DOP1B: variants seen among roughly 807,000 people sequenced by gnomAD.
The protein encoded by DOP1B is DOP1 leucine zipper like protein B.
A neutral mutation model predicts 233.5 loss-of-function variants in DOP1B; 174 were observed. That is an observed-to-expected ratio of 0.75 (90% CI 0.66 to 0.85). DOP1B has a LOEUF of 0.85. Ranked by LOEUF, DOP1B falls within the 40% of genes least tolerant of loss-of-function variation. The probability of loss-of-function intolerance (pLI) is 0.00; values close to 1 mark genes in which losing one functional copy is unlikely to be tolerated. For missense variants in DOP1B, 2,652 were observed against 2,846.6 expected (o/e 0.93, Z 1.56); for synonymous variants, 1,190 against 1,185.6 (o/e 1.00, Z -0.08).
chr21:36,213,265 G>A (rs920922100), intron 7 of DOP1B, among the ~76,000 whole-genome samples: 1 of 152,160 alleles, frequency 6.6e-6, no homozygotes, highest in African/African-American at 2.4e-5. Context: ...GCACAGCTCT[G>A]CTCCTACGGG....
At position 36,247,579 on chromosome 21, in the gene DOP1B, C is replaced by T. The variant is rs139137838; in HGVS notation, c.4760C>T (p.Thr1587Met). The change falls in exon 20 of 37, where the codon ACG becomes ATG. Residue 1587 changes from threonine (T) to methionine (M), a missense_variant. Thr to Met is a moderately conservative substitution (Grantham distance 81). Coordinates refer to ENST00000691173, the MANE Select transcript of DOP1B (RefSeq NM_001320714.2). ...DYPLTLLEGL[T>M]TISHFCLLEQ... The stretch of plus-strand genomic sequence containing the variant: ...CCACTCACCCTTCTAGAAGGTCTAA[C>T]GACCATTAGTCATTTTTGTCTTTTG... 4.8e-5 allele frequency: 77 copies of T among 1,610,862 alleles called. No individual in the cohort carries two copies. The highest frequency in any genetic ancestry group is 3.3e-4 in the Middle Eastern group (2 of 6,054).
At chr21:36,230,329 T>C (rs1408875800) in intron 13 of DOP1B, 121 bp from the exon 14 acceptor site, 1 of 1,209,258 alleles carries the variant, frequency 8.3e-7, no homozygotes, top group African/African-American at 1.5e-5. Flanking sequence ...ACACAGGGAT[T>C]CTCTAGTCTG....
At chr21:36,291,485 G>A (rs1348223220) in intron 35 of DOP1B, among the ~76,000 whole-genome samples, 2 of 152,070 alleles carry the variant, frequency 1.3e-5, no homozygotes, top group Non-Finnish European at 2.9e-5. Flanking sequence ...GCTTGAACCT[G>A]GGAGGTGGAG....
chr21:36,225,696 G>A (rs375177464), intron 12 of DOP1B, 29 bp downstream of exon 12: 27 of 1,607,440 alleles, frequency 1.7e-5, no homozygotes, highest in Non-Finnish European at 2.1e-5. Flanking sequence ...ACATCTCAAC[G>A]CCTGCTATTA....
At chr21:36,173,715 G>T (rs1447797740) in intron 2 of DOP1B, among the ~76,000 whole-genome samples, 1 of 152,054 alleles carries the variant, frequency 6.6e-6, no homozygotes, top group Non-Finnish European at 1.5e-5. Flanking sequence ...GAGCCGCCGC[G>T]CCCGGCCCAA....
At chr21:36,230,342 G>A (rs913042918) in intron 13 of DOP1B, 108 bp from the exon 14 acceptor site, 1 of 1,290,532 alleles carries the variant, frequency 7.7e-7, no homozygotes, top group Non-Finnish European at 1.1e-6. Context: ...CTAGTCTGGA[G>A]AGTGATGATT....
At chr21:36,250,937 C>G (rs970476288) in intron 21 of DOP1B, among the ~76,000 whole-genome samples, 10 of 152,328 alleles carry the variant, frequency 6.6e-5, no homozygotes, top group Middle Eastern at 3.4e-3. Flanking sequence ...TGCCCCTTCC[C>G]CCCGCCGGCA....
intron 32 of DOP1B, among the ~76,000 whole-genome samples, chr21:36,285,824 T>C (rs1416147022): frequency 6.6e-6 from 1 of 151,940 alleles, no homozygotes; most frequent in Non-Finnish European, 1.5e-5. Flanking sequence ...CTGGCCAACA[T>C]GGTGAAACCC....
At chr21:36,288,664 T>A in intron 33 of DOP1B, 92 bp from the exon 34 acceptor site, 1 of 967,794 alleles carries the variant, frequency 1.0e-6, no homozygotes, top group South Asian at 1.5e-5. Flanking sequence ...CATTCATTCA[T>A]AAATTAATCG....
chr21:36,253,632 T>A, intron 22 of DOP1B, 140 bp from the exon 23 acceptor site: 1 of 990,042 alleles, frequency 1.0e-6, no homozygotes, highest in South Asian at 1.7e-5. Flanking sequence ...AGTGAGACCG[T>A]GTTTCAAAAA....
intron 35 of DOP1B, among the ~76,000 whole-genome samples, chr21:36,290,487 AC>A (rs1259033808): frequency 1.3e-5 from 2 of 151,394 alleles, no homozygotes; most frequent in East Asian, 3.9e-4. Context: ...ATGGTGAAAA[AC>A]CCTGTCTCTA....
chr21:36,198,554 C>T (rs548129836), intron 2 of DOP1B, among the ~76,000 whole-genome samples: 1 of 152,322 alleles, frequency 6.6e-6, no homozygotes, highest in Admixed American at 6.5e-5. Flanking sequence ...CCTTGCTTCT[C>T]GGGTACAGCA....
chr21:36,233,025 A>G lies in DOP1B; in HGVS notation c.2572A>G (p.Ile858Val), dbSNP rs202127532. 57 of 1,614,008 alleles carry G rather than the reference A, an allele frequency of 3.5e-5. No homozygotes were observed. In the East Asian group the frequency reaches 1.2e-3, roughly 34 times the overall value. The change falls in exon 15 of 37, where the codon ATT becomes GTT. Residue 858 changes from isoleucine (I) to valine (V), a missense_variant. This residue lies in a region of DOP1B where 2,617 missense variants were observed against 2,794.3 expected (regional missense o/e 0.94). Transcript: ENST00000691173. Reference protein sequence around the residue: ...GKLQMVTVPPIAPGILKVIAE... With the variant: ...GKLQMVTVPPVAPGILKVIAE... ...GCTGCAGATGGTGACGGTTCCTCCC[A>G]TTGCTCCAGGGATATTGAAAGTCAT...
intron 2 of DOP1B, among the ~76,000 whole-genome samples, chr21:36,187,609 TTTTTA>T (rs1263012761): frequency 6.7e-6 from 1 of 150,260 alleles, no homozygotes; most frequent in African/African-American, 2.5e-5. Context: ...TTTATTTTAT[TTTTTA>T]TTTTATTTTT....
chr21:36,279,674 G>A (rs1010172312), intron 30 of DOP1B, among the ~76,000 whole-genome samples: 2 of 152,132 alleles, frequency 1.3e-5, no homozygotes, highest in African/African-American at 4.8e-5. Flanking sequence ...ACAACTGTGT[G>A]AATATCATCC....
chr21:36,176,380 A>C (rs555956111), intron 2 of DOP1B, among the ~76,000 whole-genome samples: 15 of 152,232 alleles, frequency 9.9e-5, no homozygotes, highest in Non-Finnish European at 1.9e-4. Flanking sequence ...GAACAAGGCT[A>C]CGAGCCCTGC....
At chr21:36,244,588 C>T (rs981500014) in intron 18 of DOP1B, among the ~76,000 whole-genome samples, 2 of 152,028 alleles carry the variant, frequency 1.3e-5, no homozygotes, top group Non-Finnish European at 2.9e-5. Context: ...CCACGCCCAG[C>T]TAACTTTTTG....
intron 2 of DOP1B, chr21:36,169,530 C>T (rs1199741246): frequency 9.8e-6 from 11 of 1,117,076 alleles, no homozygotes; most frequent in East Asian, 4.7e-5. Context: ...CCGATGATGT[C>T]GATCATCTCG....
chr21:36,169,667 G>A lies in DOP1B; in HGVS notation c.138+4796G>A, dbSNP rs1024359485. ...CAGCTGGGCCTTCTTCTGGCGCAGA[G>A]GAAGTAGGCGCGTCTGGGTGTGGGC... On this transcript the variant is annotated intron_variant, in intron 2 of 36. Coordinates refer to ENST00000691173, the MANE Select transcript of DOP1B (RefSeq NM_001320714.2). 4.4e-5 allele frequency: 39 copies of A among 894,908 alleles called. No individual in the cohort carries two copies. In the African/African-American group the frequency reaches 5.6e-4, roughly 13 times the overall value. 55.4% of individuals were successfully genotyped at this position (894,908 alleles called of 1,614,324 possible). A position where few individuals can be genotyped will look rare whatever the true frequency, so the allele number is the denominator to read the frequency against.
Sources: allele counts gnomAD v4.1 joint callset (sites outside exome capture counted in the v4.1 genomes callset), GRCh38; gene constraint gnomAD v4.1.1; regional missense constraint gnomAD v4.1.1; transcripts MANE v1.5; gene names NCBI Gene and HGNC (gene_info 2026-07-23, HGNC 2026-07-21).